Variants in INTS8 observed in about 807,000 individuals in gnomAD.
INTS8 encodes the protein integrator complex subunit 8.
Under a neutral mutation model 138.9 loss-of-function variants are expected in INTS8, and 47 were observed. The observed-to-expected ratio is 0.34, with a 90% CI of 0.27 to 0.43. The LOEUF is 0.43. Among genes scored for constraint, INTS8 ranks in the 20% least tolerant of loss-of-function variants. The pLI is 1.00. For missense variants in INTS8, 996 were observed against 1,173.0 expected, an observed-to-expected ratio of 0.85 and a Z score of 2.20; for synonymous variants, 392 against 400.9, an observed-to-expected ratio of 0.98 and a Z score of 0.27.
At chr8:94,851,829 T>C in intron 13 of INTS8, 143 bp downstream of exon 13, 1 of 544,240 alleles carries the variant, frequency 1.8e-6, no homozygotes, top group East Asian at 3.2e-5. Flanking sequence ...TAATTGCATT[T>C]TTAACATCCA....
chr8:94,851,744 A>G, intron 13 of INTS8, 58 bp downstream of exon 13: 1 of 1,440,076 alleles, frequency 6.9e-7, no homozygotes. Flanking sequence ...AGGTAATTTA[A>G]TAGAAAAGCT....
At chr8:94,849,865 T>C (rs112726887) in intron 11 of INTS8, 51 bp from the exon 12 acceptor site, 2 of 1,391,082 alleles carry the variant, frequency 1.4e-6, no homozygotes, top group Non-Finnish European at 9.7e-7. Flanking sequence ...ATTGTTTTTC[T>C]CAAACTAAAT....
At chr8:94,852,013 G>A (rs1194080645) in intron 13 of INTS8, among the ~76,000 whole-genome samples, 2 of 152,146 alleles carry the variant, frequency 1.3e-5, no homozygotes, top group Non-Finnish European at 2.9e-5. Flanking sequence ...TGCAATCTTG[G>A]TTCACTGCAA....
chr8:94,871,337 G>T (rs532900788), intron 20 of INTS8, among the ~76,000 whole-genome samples: 31 of 151,808 alleles, frequency 2.0e-4, no homozygotes, highest in African/African-American at 7.5e-4. Flanking sequence ...AATTAGCTGG[G>T]TGTGGTGGTG....
In INTS8 at chr8:94,842,496, A is replaced by G; in HGVS notation, c.1260+8A>G. ...ATAGACTTTCTTCTTGAGGTATGAC[A>G]TGTTTTTCTTTCCCCTTTTGATTTA... On this transcript the variant is annotated splice_region_variant and intron_variant, in intron 10 of 26. Coordinates refer to ENST00000523731, the MANE Select transcript of INTS8 (RefSeq NM_017864.4). 1 of 1,590,178 alleles carries G rather than the reference A, an allele frequency of 6.3e-7. No homozygotes were observed. The highest frequency in any genetic ancestry group is 1.1e-5 in the South Asian group (1 of 87,770).
At chr8:94,861,315 G>C (rs544573691) in intron 16 of INTS8, among the ~76,000 whole-genome samples, 10 of 119,304 alleles carry the variant, frequency 8.4e-5, no homozygotes, top group African/African-American at 3.2e-4. Context: ...AGGCTGGAGT[G>C]CAGTGGCGCG....
At chr8:94,844,026 C>CTTTTTTTT (rs539302253) in intron 10 of INTS8, among the ~76,000 whole-genome samples, 621 of 138,472 alleles carry the variant, frequency 4.5e-3, no homozygotes, top group Non-Finnish European at 6.3e-3. Flanking sequence ...TAGAGTTCTG[C>CTTTTTTTT]TTTTTTTTTT....
chr8:94,847,176 A>AT (rs1252512350), intron 10 of INTS8, among the ~76,000 whole-genome samples: 1 of 152,116 alleles, frequency 6.6e-6, no homozygotes, highest in Non-Finnish European at 1.5e-5. Flanking sequence ...AGTAGCTGAG[A>AT]TTACAGGCAC....
At position 94,831,992 on chromosome 8, in the gene INTS8, C is replaced by T; in HGVS notation, c.571C>T (p.Leu191Phe). 6.3e-7 allele frequency: 1 copy of T among 1,585,090 alleles called. No individual in the cohort carries two copies. Among genetic ancestry groups the T allele is most frequent in the Non-Finnish European group, 8.5e-7 (1 of 1,169,958 alleles). ...KELTENILKV[L>F]KEQAADSILV... ...TTTATTTGTTTATTGATTTCTGTAG[C>T]TCAAAGAACAAGCTGCTGATTCTAT... Residue 191 changes from leucine (L) to phenylalanine (F), a missense_variant and splice_region_variant, in exon 6 of 27, where the codon CTC becomes TTC. Transcript: ENST00000523731.
At position 94,859,536 on chromosome 8, in the gene INTS8, T is replaced by C. The variant is rs758559642; in HGVS notation, c.1980T>C (p.Ala660=). ...ATATTCCTCTTCGTCAAGTTATAGC[T>C]GAGGAATGTGTTGCCTTTATGTTAA... The part of the protein sequence containing the change: ...LPDIPLRQVI[A]EECVAFMLNW... The change falls in exon 16 of 27, where the codon GCT becomes GCC. Residue 660 remains alanine (A), a synonymous_variant. Transcript: ENST00000523731. 8.1e-6 allele frequency: 13 copies of C among 1,613,178 alleles called. No individual in the cohort carries two copies. In the African/African-American group the frequency reaches 9.3e-5, roughly 12 times the overall value.
chr8:94,830,477 T>G (rs757545786), intron 5 of INTS8, among the ~76,000 whole-genome samples: 1 of 152,220 alleles, frequency 6.6e-6, no homozygotes, highest in Non-Finnish European at 1.5e-5. Flanking sequence ...AGATATTTCT[T>G]GAATAAATCA....
intron 14 of INTS8, among the ~76,000 whole-genome samples, chr8:94,855,933 G>C (rs1004558441): frequency 6.6e-5 from 10 of 152,212 alleles, no homozygotes; most frequent in African/African-American, 2.4e-4. Flanking sequence ...TGAAGCTACA[G>C]TTGGAAACAG....
At chr8:94,832,245 T>A in intron 6 of INTS8, 71 bp downstream of exon 6, 1 of 1,074,466 alleles carries the variant, frequency 9.3e-7, no homozygotes, top group Non-Finnish European at 1.4e-6. Context: ...ATCCTCCTAT[T>A]TTTAATTAGA....
At chr8:94,838,144 CG>C (rs1287980063) in intron 7 of INTS8, among the ~76,000 whole-genome samples, 1 of 151,616 alleles carries the variant, frequency 6.6e-6, no homozygotes, top group Non-Finnish European at 1.5e-5. Flanking sequence ...CCTCTCCTCC[CG>C]GGCTCAAGCC....
chr8:94,873,480 G>A lies in INTS8; in HGVS notation c.2637+3G>A, dbSNP rs1563672357. 4 of 1,598,750 alleles carry A rather than the reference G, an allele frequency of 2.5e-6. No homozygotes were observed. Among genetic ancestry groups the A allele is most frequent in the Non-Finnish European group, 3.4e-6 (4 of 1,166,116 alleles). On this transcript the variant is annotated splice_donor_region_variant and intron_variant, in intron 22 of 26. Coordinates refer to ENST00000523731, the MANE Select transcript of INTS8 (RefSeq NM_017864.4). ...CCCCTGATGTTTATACAGACCAGGT[G>A]AATTGTTTTCGTGGGCTGGCTGGTT...
intron 6 of INTS8, among the ~76,000 whole-genome samples, chr8:94,832,934 G>A (rs1211083627): frequency 6.6e-6 from 1 of 151,850 alleles, no homozygotes; most frequent in East Asian, 2.0e-4. Context: ...GATTACAGGC[G>A]TGAGCCACCG....
At chr8:94,867,002 A>G in intron 18 of INTS8, 138 bp from the exon 19 acceptor site, 1 of 626,670 alleles carries the variant, frequency 1.6e-6, no homozygotes, top group South Asian at 2.2e-5. Flanking sequence ...TAGTGTGCTA[A>G]AGCACATGCT....
At chr8:94,859,232 A>G (rs1479787636) in intron 15 of INTS8, among the ~76,000 whole-genome samples, 1 of 151,532 alleles carries the variant, frequency 6.6e-6, no homozygotes, top group Non-Finnish European at 1.5e-5. Context: ...AGTGAACCAT[A>G]ATCACACCAC....
At chr8:94,823,623 C>T (rs1400951612) in intron 1 of INTS8, 62 bp downstream of exon 1, 51 of 1,314,526 alleles carry the variant, frequency 3.9e-5, no homozygotes, top group Non-Finnish European at 5.1e-5. Flanking sequence ...CGCCCAGCTT[C>T]CCTCCGCTCC....
Sources: allele counts gnomAD v4.1 joint callset (sites outside exome capture counted in the v4.1 genomes callset), GRCh38; gene constraint gnomAD v4.1.1; transcripts MANE v1.5; gene names NCBI Gene and HGNC (gene_info 2026-07-23, HGNC 2026-07-21).